The following ARHGAP28 variants were observed in gnomAD, a reference collection of about 807,000 sequenced individuals.
The protein encoded by ARHGAP28 is Rho GTPase activating protein 28.
A neutral mutation model predicts 90.7 loss-of-function variants in ARHGAP28; 56 were observed. The ratio of observed to expected loss-of-function variants is 0.62; its 90% CI spans 0.50 to 0.77. The LOEUF (loss-of-function observed/expected upper bound fraction) is 0.77. Among genes scored for constraint, ARHGAP28 ranks in the 30% least tolerant of loss-of-function variants. The pLI is 0.00. For missense variants in ARHGAP28, 869 were observed against 900.9 expected (o/e 0.96, Z 0.45); for synonymous variants, 308 against 323.3 (o/e 0.95, Z 0.51).
rs371071038 is a variant in ARHGAP28, at chr18:6,904,905, A to G, written c.2031-4055A>G. Among the ~76,000 whole-genome samples the G allele has an allele frequency of 2.6e-4, 39 of 152,314 alleles. 2 individuals are homozygous for G. In the East Asian group the frequency reaches 4.4e-3, roughly 17 times the overall value. On this transcript the variant is annotated intron_variant, in intron 16 of 17. Coordinates refer to ENST00000383472, the MANE Select transcript of ARHGAP28 (RefSeq NM_001366230.1). Reference sequence around the variant, plus strand: ...TGACTAGCTGAATAGTGCTATAGCCATTAAAGAAATTGAATCTATAATATT... The same window carrying G: ...TGACTAGCTGAATAGTGCTATAGCCGTTAAAGAAATTGAATCTATAATATT...
chr18:6,729,991 G>T (rs577564028), intron 1 of ARHGAP28, 48 bp downstream of exon 1: 28 of 1,301,238 alleles, frequency 2.2e-5, no homozygotes, highest in Middle Eastern at 5.8e-4. Context: ...GCTGGGCTTG[G>T]GGGGTTCGCC....
At position 6,851,116 on chromosome 18, in the gene ARHGAP28, G is replaced by T; in HGVS notation, c.626G>T (p.Ser209Ile). ...GAGCTTCCAAGAGTTATCAAGACAAGTGGTTCCATGGTAAGTTATAGTTGT... is the reference window on the plus strand; with the variant it reads ...GAGCTTCCAAGAGTTATCAAGACAATTGGTTCCATGGTAAGTTATAGTTGT... Reference protein sequence around the residue: ...ERELPRVIKTSGSMPDDASLN... With the variant: ...ERELPRVIKTIGSMPDDASLN... Residue 209 changes from serine to isoleucine, a missense_variant, in exon 4 of 18, where the codon AGT (serine) becomes ATT (isoleucine). Transcript: ENST00000383472. The T allele has an allele frequency of 6.2e-7, 1 of 1,614,048 alleles. No individual in the cohort carries two copies. Among genetic ancestry groups the T allele is most frequent in the Non-Finnish European group, 8.5e-7 (1 of 1,179,928 alleles).
intron 16 of ARHGAP28, chr18:6,897,879 A>C (rs2057315509): frequency 1.3e-5 from 2 of 149,170 alleles, no homozygotes; most frequent in African/African-American, 4.9e-5. Context: ...CCTCTATAAA[A>C]TTCTACTGAA....
intron 1 of ARHGAP28, among the ~76,000 whole-genome samples, chr18:6,732,357 T>C (rs939298294): frequency 1.2e-4 from 19 of 152,190 alleles, no homozygotes; most frequent in African/African-American, 4.6e-4. Context: ...GTTACAGAGA[T>C]AAACGGGACA....
At chr18:6,753,262 T>G (rs1227575519) in intron 1 of ARHGAP28, among the ~76,000 whole-genome samples, 1 of 152,244 alleles carries the variant, frequency 6.6e-6, no homozygotes, top group Non-Finnish European at 1.5e-5. Flanking sequence ...TGCAAAAGCT[T>G]AAAGTAGGAA....
At position 6,808,026 on chromosome 18, in the gene ARHGAP28, A is replaced by G. The variant is rs372775683; in HGVS notation, c.123-16736A>G. Among the ~76,000 whole-genome samples, 10 of 152,118 alleles carry G rather than the reference A, an allele frequency of 6.6e-5. No homozygotes were observed. In the South Asian group the frequency reaches 1.9e-3, roughly 28 times the overall value. On this transcript the variant is annotated intron_variant, in intron 1 of 17. Transcript: ENST00000383472. ...TTCAATATCTTGAGAATCGTTTCAT[A>G]TATTTTGTGTATGTATGTGTGTGTG...
At chr18:6,802,891 G>C (rs2143636921) in intron 1 of ARHGAP28, among the ~76,000 whole-genome samples, 1 of 151,988 alleles carries the variant, frequency 6.6e-6, no homozygotes, top group South Asian at 2.1e-4. Flanking sequence ...TTTTCTGGTT[G>C]CTCACTGTTA....
chr18:6,816,439 G>A (rs1292317195), intron 1 of ARHGAP28, among the ~76,000 whole-genome samples: 3 of 152,162 alleles, frequency 2.0e-5, no homozygotes, highest in Non-Finnish European at 2.9e-5. Flanking sequence ...CTATTCCAGA[G>A]AGTCAGTGGT....
chr18:6,847,842 CA>C (rs1475155622), intron 3 of ARHGAP28, among the ~76,000 whole-genome samples: 1 of 152,054 alleles, frequency 6.6e-6, no homozygotes, highest in Non-Finnish European at 1.5e-5. Context: ...ATTGTTACTG[CA>C]AAGGGATACA....
chr18:6,911,975 T>G, intron 17 of ARHGAP28, 85 bp from the exon 18 acceptor site: 1 of 805,208 alleles, frequency 1.2e-6, no homozygotes, highest in Non-Finnish European at 1.9e-6. Flanking sequence ...TATTTGAACC[T>G]CACAAACACA....
chr18:6,856,862 T>C (rs2056958072), intron 4 of ARHGAP28, among the ~76,000 whole-genome samples: 1 of 152,236 alleles, frequency 6.6e-6, no homozygotes, highest in Non-Finnish European at 1.5e-5. Flanking sequence ...CTAATTATAG[T>C]ATGTTCTTTT....
intron 1 of ARHGAP28, among the ~76,000 whole-genome samples, chr18:6,757,330 A>C (rs1266818098): frequency 1.3e-5 from 2 of 152,210 alleles, no homozygotes; most frequent in Non-Finnish European, 2.9e-5. Flanking sequence ...GGCAGTGTTT[A>C]GAGAAAGAAG....
chr18:6,831,222 G>T (rs941269819), intron 2 of ARHGAP28, among the ~76,000 whole-genome samples: 2 of 152,028 alleles, frequency 1.3e-5, no homozygotes. Flanking sequence ...GTCTTTTCAT[G>T]CATCTTGCTT....
At chr18:6,779,798 T>G (rs1162877087) in intron 1 of ARHGAP28, among the ~76,000 whole-genome samples, 3 of 152,264 alleles carry the variant, frequency 2.0e-5, no homozygotes, top group African/African-American at 7.2e-5. Flanking sequence ...CAATTCTTTA[T>G]TGCTTCAAAA....
At chr18:6,740,159 G>A (rs566917051) in intron 1 of ARHGAP28, among the ~76,000 whole-genome samples, 6 of 152,168 alleles carry the variant, frequency 3.9e-5, no homozygotes, top group South Asian at 2.1e-4. Context: ...CGGCCTTACC[G>A]TAAGAATTCA....
intron 1 of ARHGAP28, among the ~76,000 whole-genome samples, chr18:6,815,422 A>T (rs1166648712): frequency 6.6e-6 from 1 of 152,056 alleles, no homozygotes. Flanking sequence ...TATCAAAATT[A>T]AAAAAAATAA....
In ARHGAP28 at chr18:6,895,050, G is replaced by A. The variant is rs551797233; in HGVS notation, c.1905+159G>A. ...GAATGGTAGAGGGACCTGACTAGCT[G>A]ATGATTCAGAATGTGTGCCTGGGCC... On this transcript the variant is annotated intron_variant, in intron 15 of 17. Transcript: ENST00000383472. 4.6e-5 allele frequency among the ~76,000 whole-genome samples: 7 copies of A among 152,266 alleles called. 1 individual carries two copies. In the South Asian group the frequency reaches 8.3e-4, roughly 18 times the overall value.
intron 1 of ARHGAP28, among the ~76,000 whole-genome samples, chr18:6,801,947 T>TCTA (rs2056485194): frequency 6.6e-6 from 1 of 152,168 alleles, no homozygotes; most frequent in African/African-American, 2.4e-5. Flanking sequence ...TAACTACCAG[T>TCTA]CTACCCTTTA....
At chr18:6,848,110 A>G (rs1230600376) in intron 3 of ARHGAP28, among the ~76,000 whole-genome samples, 1 of 152,126 alleles carries the variant, frequency 6.6e-6, no homozygotes, top group Admixed American at 6.5e-5. Context: ...TATAAGTCAT[A>G]TTGTTTGCAC....
Sources: allele counts gnomAD v4.1 joint callset (sites outside exome capture counted in the v4.1 genomes callset), GRCh38; gene constraint gnomAD v4.1.1; transcripts MANE v1.5; gene names NCBI Gene and HGNC (gene_info 2026-07-23, HGNC 2026-07-21).